ARHGAP24: variants seen among roughly 807,000 people sequenced by gnomAD.
ARHGAP24 encodes Rho GTPase activating protein 24.
In ARHGAP24, 50 loss-of-function variants were observed where a neutral mutation model predicts 76.4. The observed-to-expected ratio is 0.65, with a 90% confidence interval of 0.52 to 0.83. The LOEUF is 0.83. ARHGAP24 is among the 40% of genes least tolerant of loss of function. ARHGAP24 has a pLI of 0.00. For missense variants in ARHGAP24, 930 were observed against 914.2 expected, an observed-to-expected ratio of 1.02 and a Z score of -0.22; for synonymous variants, 345 against 323.3, an observed-to-expected ratio of 1.07 and a Z score of -0.72.
chr4:85,566,282 G>A (rs1257400671), intron 1 of ARHGAP24, among the ~76,000 whole-genome samples: 1 of 152,210 alleles, frequency 6.6e-6, no homozygotes, highest in Non-Finnish European at 1.5e-5. Context: ...TTTCCCAGCG[G>A]AGATTCAGTG....
chr4:85,657,138 T>C (rs901877317), intron 2 of ARHGAP24, among the ~76,000 whole-genome samples: 9 of 149,908 alleles, frequency 6.0e-5, no homozygotes, highest in Non-Finnish European at 1.0e-4. Flanking sequence ...TAAGAATTGA[T>C]GGATTTTGTT....
At chr4:85,908,930 G>C (rs1183215380) in intron 3 of ARHGAP24, among the ~76,000 whole-genome samples, 1 of 151,990 alleles carries the variant, frequency 6.6e-6, no homozygotes, top group East Asian at 1.9e-4. Context: ...AACCATCAAG[G>C]GTCATCCCTA....
intron 2 of ARHGAP24, among the ~76,000 whole-genome samples, chr4:85,575,990 G>A (rs185945567): frequency 5.6e-4 from 86 of 152,298 alleles, no homozygotes; most frequent in Middle Eastern, 3.4e-3. Context: ...ATCCAATTAT[G>A]TGGGGAAGGT....
chr4:85,716,302 AGT>A (rs1423135258), intron 2 of ARHGAP24, among the ~76,000 whole-genome samples: 1 of 152,094 alleles, frequency 6.6e-6, no homozygotes, highest in African/African-American at 2.4e-5. Flanking sequence ...GCAAACTACT[AGT>A]GTGGTTACAA....
intron 3 of ARHGAP24, among the ~76,000 whole-genome samples, chr4:85,871,558 T>A (rs1433494625): frequency 6.6e-6 from 1 of 152,164 alleles, no homozygotes; most frequent in African/African-American, 2.4e-5. Context: ...GTATACCCAA[T>A]ACAACTTCCC....
Position 85,622,545 on chromosome 4 carries a change from T to C in ARHGAP24, c.180+51824T>C, listed in dbSNP as rs1315054934. Among the ~76,000 whole-genome samples the C allele has an allele frequency of 3.3e-5, 5 of 152,174 alleles. No homozygotes were observed. The East Asian group carries it at 5.8e-4, about 18-fold the overall frequency. On this transcript the variant is annotated intron_variant, in intron 2 of 9. Transcript: ENST00000395184. ...AAGTCTTTGCTATTGTGAATAGTGC[T>C]GCTATAAACATACGTGTGCATGTGT...
At chr4:85,617,978 A>C (rs1266131791) in intron 2 of ARHGAP24, among the ~76,000 whole-genome samples, 1 of 152,160 alleles carries the variant, frequency 6.6e-6, no homozygotes, top group African/African-American at 2.4e-5. Context: ...CCTCACGTAG[A>C]CTTTGTGTGT....
chr4:85,989,569 T>C (rs1740203007), intron 8 of ARHGAP24, among the ~76,000 whole-genome samples: 1 of 151,570 alleles, frequency 6.6e-6, no homozygotes. Context: ...TCAAAACAGA[T>C]AAAGACATTA....
intron 2 of ARHGAP24, among the ~76,000 whole-genome samples, chr4:85,579,359 A>G (rs1023325696): frequency 2.0e-5 from 3 of 152,216 alleles, no homozygotes; most frequent in African/African-American, 4.8e-5. Context: ...ACTTTAGGGG[A>G]AAAAACAAAT....
intron 1 of ARHGAP24, among the ~76,000 whole-genome samples, chr4:85,491,706 G>A (rs1333266118): frequency 1.3e-5 from 2 of 152,140 alleles, no homozygotes; most frequent in Non-Finnish European, 2.9e-5. Flanking sequence ...CCCAAGGAGG[G>A]CTCTGGCCAG....
chr4:85,732,694 CT>C (rs5859999), intron 3 of ARHGAP24, among the ~76,000 whole-genome samples: 177 of 136,766 alleles, frequency 1.3e-3, no homozygotes, highest in Middle Eastern at 3.7e-3. Flanking sequence ...ATTCAAACTT[CT>C]TTTTTTTTTT....
chr4:85,655,820 G>GAGAGAGAGAGAA lies in ARHGAP24; in HGVS notation c.181-66054_181-66053insAAGAGAGAGAGA, dbSNP rs1471115780. On this transcript the variant is annotated intron_variant, in intron 2 of 9. Coordinates refer to ENST00000395184, the MANE Select transcript of ARHGAP24 (RefSeq NM_001025616.3). ...AGAGAGAGAGAGAGAGAGAGAGAAA[G>GAGAGAGAGAGAA]AGAGAGAGAGAGAGAGAGAGAGAGA... Among the ~76,000 whole-genome samples, 59 of 104,280 alleles carry GAGAGAGAGAGAA rather than the reference G, an allele frequency of 5.7e-4. 1 individual carries two copies. Among genetic ancestry groups the GAGAGAGAGAGAA allele is most frequent in the African/African-American group, 2.4e-3 (55 of 23,190 alleles). 68.4% of individuals were successfully genotyped at this position (104,280 alleles called of 152,430 possible).
intron 8 of ARHGAP24, among the ~76,000 whole-genome samples, chr4:85,985,941 T>G (rs539833100): frequency 6.6e-6 from 1 of 152,362 alleles, no homozygotes; most frequent in East Asian, 1.9e-4. Context: ...ACTGCACCAG[T>G]TGGAAAATGA....
At chr4:85,750,126 T>A (rs961061198) in intron 3 of ARHGAP24, among the ~76,000 whole-genome samples, 8 of 152,166 alleles carry the variant, frequency 5.3e-5, no homozygotes, top group Non-Finnish European at 1.2e-4. Flanking sequence ...AACTTGTTTT[T>A]TGGTAGGAGA....
intron 2 of ARHGAP24, among the ~76,000 whole-genome samples, chr4:85,632,640 A>C (rs939472012): frequency 3.3e-5 from 5 of 149,768 alleles, no homozygotes; most frequent in Non-Finnish European, 7.4e-5. Context: ...ATTTTCAGTT[A>C]AGAAGTATGC....
rs370571889 is a variant in ARHGAP24, at chr4:85,655,766, CATATAT to C, written c.181-66097_181-66092del. 7.0e-3 allele frequency among the ~76,000 whole-genome samples: 482 copies of C among 69,038 alleles called. 8 individuals carry two copies. The highest frequency in any genetic ancestry group is 0.038 in the East Asian group (92 of 2,420). 45.3% of individuals were successfully genotyped at this position (69,038 alleles called of 152,430 possible). On this transcript the variant is annotated intron_variant, in intron 2 of 9. Transcript: ENST00000395184. ...CAGCCTGGGTGACAGAGTGAGACTC[CATATAT>C]ATATATATATATATATATATAGAGA... is the stretch of plus-strand genomic sequence containing the variant.
chr4:85,946,122 A>G (rs1429035209), intron 5 of ARHGAP24, among the ~76,000 whole-genome samples: 3 of 152,188 alleles, frequency 2.0e-5, no homozygotes, highest in Non-Finnish European at 2.9e-5. Flanking sequence ...AGACTCATTC[A>G]CTATCATGAG....
At chr4:85,513,724 A>G (rs1344610308) in intron 1 of ARHGAP24, among the ~76,000 whole-genome samples, 1 of 152,156 alleles carries the variant, frequency 6.6e-6, no homozygotes, top group Non-Finnish European at 1.5e-5. Context: ...TTAATTGTCC[A>G]TTGTATCTGA....
intron 2 of ARHGAP24, among the ~76,000 whole-genome samples, chr4:85,608,374 T>G (rs1346095489): frequency 6.6e-6 from 1 of 152,094 alleles, no homozygotes; most frequent in Non-Finnish European, 1.5e-5. Context: ...GCCAAACAGT[T>G]TCCATGCTGA....
Sources: allele counts gnomAD v4.1 joint callset (sites outside exome capture counted in the v4.1 genomes callset), GRCh38; gene constraint gnomAD v4.1.1; transcripts MANE v1.5; gene names NCBI Gene and HGNC (gene_info 2026-07-23, HGNC 2026-07-21).